The following DNAJC6 variants were observed in gnomAD, a reference collection of about 807,000 sequenced individuals.
The protein encoded by DNAJC6 is auxilin.
A neutral mutation model predicts 110.0 loss-of-function variants in DNAJC6; 34 were observed. That is an observed-to-expected ratio of 0.31 (90% CI 0.24 to 0.41). The LOEUF (loss-of-function observed/expected upper bound fraction) is 0.41, where lower values mean the gene tolerates loss of function less well. Ranked by LOEUF, DNAJC6 falls within the 10% of genes least tolerant of loss-of-function variation. The probability of loss-of-function intolerance (pLI) is 1.00; values close to 1 mark genes in which losing one functional copy is unlikely to be tolerated. For missense variants in DNAJC6, 1,031 were observed against 1,207.8 expected, an observed-to-expected ratio of 0.85 and a Z score of 2.17; for synonymous variants, 406 against 437.2, an observed-to-expected ratio of 0.93 and a Z score of 0.89.
intron 4 of DNAJC6, among the ~76,000 whole-genome samples, chr1:65,375,153 G>C (rs1385407325): frequency 1.3e-5 from 2 of 151,914 alleles, no homozygotes; most frequent in Non-Finnish European, 2.9e-5. Flanking sequence ...TGGTAGAGAC[G>C]GGGTTTCACC....
intron 1 of DNAJC6, among the ~76,000 whole-genome samples, chr1:65,275,770 T>C (rs1302689997): frequency 6.6e-6 from 1 of 152,114 alleles, no homozygotes; most frequent in African/African-American, 2.4e-5. Context: ...CTTTTTTAGT[T>C]TTGTTATTTT....
At chr1:65,410,646 C>T (rs1278801806) in intron 17 of DNAJC6, among the ~76,000 whole-genome samples, 2 of 152,206 alleles carry the variant, frequency 1.3e-5, no homozygotes, top group Non-Finnish European at 2.9e-5. Context: ...CTGACTTAAT[C>T]ACCTCATTTG....
At position 65,339,510 on chromosome 1, in the gene DNAJC6, T is replaced by TA. The variant is rs1456462178; in HGVS notation, c.194-25124dup. Among the ~76,000 whole-genome samples, 3 of 152,190 alleles carry TA rather than the reference T, an allele frequency of 2.0e-5. No individual in the cohort carries two copies. The East Asian group carries it at 5.8e-4, about 29-fold the overall frequency. On this transcript the variant is annotated intron_variant, in intron 1 of 18. Coordinates refer to ENST00000371069, the MANE Select transcript of DNAJC6 (RefSeq NM_001256864.2). Reference sequence around the variant, plus strand: ...AGCATTTAGAATAATGCCTCATACATAGTAGGGACTCAAATCTTAGCTGAT... The same window carrying TA: ...AGCATTTAGAATAATGCCTCATACATAAGTAGGGACTCAAATCTTAGCTGAT...
chr1:65,331,138 G>C (rs1043343662), intron 1 of DNAJC6, among the ~76,000 whole-genome samples: 77 of 152,288 alleles, frequency 5.1e-4, no homozygotes, highest in African/African-American at 1.8e-3. Context: ...GGGGAGAATG[G>C]ATTTTGGTTG....
In DNAJC6 at chr1:65,415,482, A is replaced by ACC. The variant is rs1315433720; in HGVS notation, c.*2458_*2459insCC. The ACC allele has an allele frequency of 5.3e-5, 8 of 151,670 alleles. No homozygotes were observed. The highest frequency in any genetic ancestry group is 1.9e-4 in the African/African-American group (8 of 41,128). 9.4% of individuals were successfully genotyped at this position (151,670 alleles called of 1,614,324 possible). A position where few individuals can be genotyped will look rare whatever the true frequency, so the allele number is the denominator to read the frequency against. On this transcript the variant is annotated 3_prime_UTR_variant, in exon 19 of 19. Transcript: ENST00000371069. ...CACACACACACACACACACACACAC[A>ACC]CACATGCACGCACACATGATTTTGA...
intron 1 of DNAJC6, among the ~76,000 whole-genome samples, chr1:65,314,166 A>G (rs1322567640): frequency 6.6e-6 from 1 of 151,692 alleles, no homozygotes; most frequent in East Asian, 1.9e-4. Context: ...TTAAATATAT[A>G]GAAATTCACA....
Position 65,366,069 on chromosome 1 carries a change from A to T in DNAJC6, c.416A>T (p.Asn139Ile). Residue 139 changes from asparagine (N) to isoleucine (I), a missense_variant, in exon 4 of 19, where the codon AAT becomes ATT. Transcript: ENST00000371069. The stretch of plus-strand genomic sequence containing the variant: ...CTAGTGATGTCCTTTCCTCTGGACA[A>T]TGTTGACATAGGATTCAGGAATCAG... ...RIIVMSFPLD[N>I]VDIGFRNQVD... is the part of the protein sequence containing the mutation. The T allele has an allele frequency of 3.1e-6, 5 of 1,613,834 alleles. No homozygotes were observed. The highest frequency in any genetic ancestry group is 4.2e-6 in the Non-Finnish European group (5 of 1,179,800).
rs145491609 is a variant in DNAJC6 at position 65,321,583 on chromosome 1, T to C, written c.193+11645T>C. ...GAGAGGAAGGTACAAAGATTTCCCA[T>C]ATATCCCCTGCCCCTACACAGGCAT... is the stretch of plus-strand genomic sequence containing the variant. On this transcript the variant is annotated intron_variant, in intron 1 of 18. Coordinates refer to ENST00000371069, the MANE Select transcript of DNAJC6 (RefSeq NM_001256864.2). Among the ~76,000 whole-genome samples the C allele has an allele frequency of 3.6e-4, 55 of 152,216 alleles. 1 individual carries two copies. In the East Asian group the frequency reaches 7.7e-3, roughly 21 times the overall value.
chr1:65,380,272 T>C (rs961895146), intron 5 of DNAJC6, among the ~76,000 whole-genome samples: 7 of 152,230 alleles, frequency 4.6e-5, no homozygotes, highest in African/African-American at 1.7e-4. Context: ...AATAAGTGAT[T>C]GAATACACAA....
At chr1:65,401,111 G>A (rs1048654229) in intron 14 of DNAJC6, among the ~76,000 whole-genome samples, 18 of 151,996 alleles carry the variant, frequency 1.2e-4, no homozygotes, top group Non-Finnish European at 2.1e-4. Context: ...TTATACGTCT[G>A]TTGGTTTTCT....
rs17127489 is a variant in DNAJC6 at position 65,280,348 on chromosome 1, C to T, written c.-131+15416C>T. On this transcript the variant is annotated intron_variant, in intron 1 of 19. Transcript: ENST00000263441. ...CATATTTTTTTTTCACTTAATATGACGGCCCAAACACTCTCCACATTTTTA... is the reference window on the plus strand; with the variant it reads ...CATATTTTTTTTTCACTTAATATGATGGCCCAAACACTCTCCACATTTTTA... Among the ~76,000 whole-genome samples the T allele has an allele frequency of 1.9e-3, 294 of 151,924 alleles. 10 individuals carry two copies. The East Asian group carries it at 0.044, about 23-fold the overall frequency.
At chr1:65,365,792 G>C in intron 2 of DNAJC6, 93 bp from the exon 3 acceptor site, 3 of 1,370,120 alleles carry the variant, frequency 2.2e-6, no homozygotes, top group Non-Finnish European at 3.1e-6. Flanking sequence ...CTGGACAGCG[G>C]TGTCCCAGTT....
intron 1 of DNAJC6, among the ~76,000 whole-genome samples, chr1:65,358,919 C>T (rs1039632413): frequency 5.9e-5 from 9 of 152,162 alleles, no homozygotes; most frequent in Non-Finnish European, 8.8e-5. Context: ...ATGGAATTAT[C>T]CACAGCCCAG....
At chr1:65,377,750 C>T (rs977305657) in intron 4 of DNAJC6, among the ~76,000 whole-genome samples, 2 of 152,142 alleles carry the variant, frequency 1.3e-5, no homozygotes, top group African/African-American at 4.8e-5. Flanking sequence ...ATTTCCTAGT[C>T]GTATTTTGAT....
intron 1 of DNAJC6, among the ~76,000 whole-genome samples, chr1:65,349,093 T>TATATATATATAAATATATATGTAA (rs1645466094): frequency 6.9e-6 from 1 of 144,070 alleles, no homozygotes; most frequent in African/African-American, 2.5e-5. Flanking sequence ...TATATGTAAA[T>TATATATATATAAATATATATGTAA]ATATATATAA....
chr1:65,313,813 A>C (rs1357852796), intron 1 of DNAJC6, among the ~76,000 whole-genome samples: 1 of 152,154 alleles, frequency 6.6e-6, no homozygotes, highest in African/African-American at 2.4e-5. Flanking sequence ...TCCCTGGCTC[A>C]CTTTCTCTTC....
At chr1:65,304,923 G>T (rs774017585), upstream of DNAJC6, among the ~76,000 whole-genome samples, 1 of 152,160 alleles carries the variant, frequency 6.6e-6, no homozygotes, top group Non-Finnish European at 1.5e-5. Context: ...AGAAGTACAG[G>T]ACCGACAAAA....
At chr1:65,274,990 G>T (rs563792332) in intron 1 of DNAJC6, among the ~76,000 whole-genome samples, 1 of 152,104 alleles carries the variant, frequency 6.6e-6, no homozygotes, top group Non-Finnish European at 1.5e-5. Flanking sequence ...AATGTTAGGC[G>T]CTTAGAAGAC....
intron 13 of DNAJC6, among the ~76,000 whole-genome samples, chr1:65,397,356 A>G (rs1351509111): frequency 6.6e-6 from 1 of 152,244 alleles, no homozygotes; most frequent in Non-Finnish European, 1.5e-5. Context: ...CTTTGGGCTC[A>G]ACAAATATTT....
Sources: allele counts gnomAD v4.1 joint callset (sites outside exome capture counted in the v4.1 genomes callset), GRCh38; gene constraint gnomAD v4.1.1; transcripts MANE v1.5; gene names NCBI Gene and HGNC (gene_info 2026-07-23, HGNC 2026-07-21).